The following NSD1 variants were observed in gnomAD, a reference collection of about 807,000 sequenced individuals.
NSD1 encodes histone-lysine N-methyltransferase, H3 lysine-36 specific.
NSD1 carries 26 observed loss-of-function variants against 242.7 expected under a neutral mutation model. That is an observed-to-expected ratio of 0.11 (90% CI 0.08 to 0.15). The LOEUF (loss-of-function observed/expected upper bound fraction) is 0.15. Ranked by LOEUF, NSD1 falls within the 10% of genes least tolerant of loss-of-function variation. The pLI is 1.00. For synonymous variants in NSD1, 1,106 were observed against 1,178.1 expected (o/e 0.94, Z 1.25); for missense variants, 2,495 against 3,272.8 (o/e 0.76, Z 5.80).
At chr5:177,165,825 G>A (rs972478948) in intron 2 of NSD1, among the ~76,000 whole-genome samples, 2 of 152,106 alleles carry the variant, frequency 1.3e-5, no homozygotes, top group African/African-American at 4.8e-5. Context: ...TGCCCAGGCT[G>A]GGCTCAAGCA....
At position 177,211,635 on chromosome 5, in the gene NSD1, G is replaced by C. The variant is rs761613559; in HGVS notation, c.3236G>C (p.Arg1079Thr). Residue 1079 changes from arginine (R) to threonine (T), a missense_variant, in exon 5 of 23, where the codon AGA (arginine) becomes ACA (threonine). Transcript: ENST00000439151. ...QGDRERGGSL[R>T]GGAEDPSKED... The stretch of plus-strand genomic sequence containing the variant: ...GACCGAGAACGTGGAGGTTCATTGA[G>C]AGGTGGGGCAGAAGATCCTAGTAAA... 2 of 1,614,134 alleles carry C rather than the reference G, an allele frequency of 1.2e-6. No homozygotes were observed. Among genetic ancestry groups the C allele is most frequent in the Non-Finnish European group, 1.7e-6 (2 of 1,180,012 alleles).
intron 21 of NSD1, among the ~76,000 whole-genome samples, chr5:177,291,309 T>C (rs116665717): frequency 5.6e-4 from 86 of 152,346 alleles, no homozygotes; most frequent in African/African-American, 2.0e-3. Flanking sequence ...GAAATAGGCA[T>C]GTGTACCCAC....
chr5:177,236,830 C>T (rs1276312276), intron 6 of NSD1, among the ~76,000 whole-genome samples: 1 of 152,132 alleles, frequency 6.6e-6, no homozygotes, highest in African/African-American at 2.4e-5. Flanking sequence ...TCAGCCATTC[C>T]CTGACAGTTT....
intron 2 of NSD1, among the ~76,000 whole-genome samples, chr5:177,175,626 C>G (rs1007348496): frequency 1.5e-4 from 22 of 151,710 alleles, no homozygotes; most frequent in African/African-American, 5.1e-4. Flanking sequence ...GAGAATCTGC[C>G]TTAAAAAAAA....
chr5:177,259,941 T>G, intron 13 of NSD1, 48 bp from the exon 14 acceptor site: 2 of 1,598,104 alleles, frequency 1.3e-6, no homozygotes, highest in East Asian at 4.5e-5. Flanking sequence ...CTTTTTATAT[T>G]TAATATTTTT....
In NSD1 at chr5:177,294,906, T is replaced by C; in HGVS notation, c.7538T>C (p.Leu2513Pro). The C allele has an allele frequency of 6.2e-7, 1 of 1,614,126 alleles. No individual in the cohort carries two copies. The highest frequency in any genetic ancestry group is 1.1e-5 in the South Asian group (1 of 91,088). ...AVEKGCVSDPLQTSGKAAAPS... is the reference protein window; with the variant it reads ...AVEKGCVSDPPQTSGKAAAPS... ...GAGAAAGGCTGTGTGTCAGATCCTC[T>C]TCAGACATCTGGGAAAGCAGCAGCC... Residue 2513 changes from leucine to proline, a missense_variant, in exon 23 of 23, where the codon CTT becomes CCT. Transcript: ENST00000439151.
intron 20 of NSD1, among the ~76,000 whole-genome samples, chr5:177,286,339 G>C (rs569424294): frequency 6.6e-6 from 1 of 152,276 alleles, no homozygotes; most frequent in African/African-American, 2.4e-5. Context: ...TGTTTTACAT[G>C]ATGACACCAA....
At chr5:177,261,084 C>T (rs1224515698) in intron 14 of NSD1, among the ~76,000 whole-genome samples, 2 of 151,990 alleles carry the variant, frequency 1.3e-5, no homozygotes, top group Non-Finnish European at 2.9e-5. Context: ...TTAGCACTTT[C>T]ACCCAGGCTG....
rs190513776 is a variant in NSD1, at chr5:177,200,999, T to C, written c.1064-3121T>C. On this transcript the variant is annotated intron_variant, in intron 3 of 22. Coordinates refer to ENST00000439151, the MANE Select transcript of NSD1 (RefSeq NM_022455.5). ...GCAACTTCTGTCTCCTGGGTTCAAG[T>C]GATTCTCTTGCCTCAGTTGGGATTA... Among the ~76,000 whole-genome samples the C allele has an allele frequency of 5.3e-5, 8 of 149,566 alleles. No individual in the cohort carries two copies. The East Asian group carries it at 1.6e-3, about 30-fold the overall frequency.
At position 177,210,890 on chromosome 5, in the gene NSD1, G is replaced by C; in HGVS notation, c.2491G>C (p.Gly831Arg). 6.2e-7 allele frequency: 1 copy of C among 1,614,186 alleles called. No homozygotes were observed. The highest frequency in any genetic ancestry group is 8.5e-7 in the Non-Finnish European group (1 of 1,180,044). The change falls in exon 5 of 23, where the codon GGG (glycine) becomes CGG (arginine). Residue 831 changes from glycine to arginine, a missense_variant. By Grantham distance (125) the Gly-to-Arg change is moderately radical (BLOSUM62 -2). Transcript: ENST00000439151. ...GSPLASISKS[G>R]KVDGLKLLNN... Reference sequence around the variant, plus strand: ...TCCTTTGGCCAGCATTTCTAAAAGTGGGAAAGTGGATGGTCTAAAACTACT... The same window carrying C: ...TCCTTTGGCCAGCATTTCTAAAAGTCGGAAAGTGGATGGTCTAAAACTACT...
chr5:177,270,946 A>G (rs776205487), intron 16 of NSD1, among the ~76,000 whole-genome samples: 11 of 152,090 alleles, frequency 7.2e-5, no homozygotes, highest in Admixed American at 2.0e-4. Flanking sequence ...ATACTTCAGG[A>G]GCTGGGGTCT....
Position 177,210,084 on chromosome 5 carries a change from A to C in NSD1, c.1685A>C (p.Asn562Thr). 6.2e-7 allele frequency: 1 copy of C among 1,613,806 alleles called. No homozygotes were observed. The highest frequency in any genetic ancestry group is 8.5e-7 in the Non-Finnish European group (1 of 1,179,906). The change falls in exon 5 of 23, where the codon AAC becomes ACC. Residue 562 changes from asparagine to threonine, a missense_variant. Asn to Thr is a moderately conservative substitution (Grantham distance 65). This residue lies in a region of NSD1 where 515 missense variants were observed against 467.0 expected (regional missense o/e 1.10). Coordinates refer to ENST00000439151, the MANE Select transcript of NSD1 (RefSeq NM_022455.5). The part of the protein sequence containing the change: ...SRIANSLTGS[N>T]TAPGSFLFSS... ...ATAGCAAATAGCCTCACAGGGTCCA[A>C]CACTGCCCCAGGAAGTTTTCTGTTT...
chr5:177,223,923 T>A (rs145157181), intron 5 of NSD1, among the ~76,000 whole-genome samples: 2,517 of 152,148 alleles, frequency 0.017, 40 homozygotes, highest in Middle Eastern at 0.044. Context: ...GAGGTGGAGG[T>A]TACAATGAGC....
chr5:177,169,939 T>G (rs1486119426), intron 2 of NSD1, among the ~76,000 whole-genome samples: 1 of 147,654 alleles, frequency 6.8e-6, no homozygotes, highest in Admixed American at 6.9e-5. Context: ...GTTGAGGTTA[T>G]CATGTGTTAT....
intron 11 of NSD1, among the ~76,000 whole-genome samples, chr5:177,249,447 T>A (rs1308347436): frequency 2.0e-5 from 3 of 150,982 alleles, no homozygotes; most frequent in Admixed American, 6.6e-5. Context: ...TTTTCTTTTT[T>A]ATTAATTAAT....
intron 11 of NSD1, among the ~76,000 whole-genome samples, chr5:177,250,491 T>A (rs188176360): frequency 6.6e-6 from 1 of 152,286 alleles, no homozygotes; most frequent in African/African-American, 2.4e-5. Context: ...CTATAACATT[T>A]AGTTAATGCA....
intron 2 of NSD1, among the ~76,000 whole-genome samples, chr5:177,185,835 A>G (rs1485402846): frequency 2.2e-5 from 2 of 90,294 alleles, no homozygotes; most frequent in Admixed American, 1.9e-4. Context: ...TATAAGTTTT[A>G]TATATTTAAA....
chr5:177,283,995 C>T (rs2127263327), intron 20 of NSD1, 67 bp downstream of exon 20: 3 of 1,552,396 alleles, frequency 1.9e-6, no homozygotes, highest in Non-Finnish European at 2.7e-6. Context: ...TTACAAACAG[C>T]TTCCTCAGAT....
At chr5:177,172,961 C>CAA (rs1157349270) in intron 2 of NSD1, among the ~76,000 whole-genome samples, 3,215 of 65,644 alleles carry the variant, frequency 0.049, 201 homozygotes, top group African/African-American at 0.13. Context: ...GACCCTGTCT[C>CAA]AAAAAAAAAA....
Sources: allele counts gnomAD v4.1 joint callset (sites outside exome capture counted in the v4.1 genomes callset), GRCh38; gene constraint gnomAD v4.1.1; regional missense constraint gnomAD v4.1.1; transcripts MANE v1.5; gene names NCBI Gene and HGNC (gene_info 2026-07-23, HGNC 2026-07-21).